CUL3: variants seen among roughly 807,000 people sequenced by gnomAD.
The protein encoded by CUL3 is cullin-3.
In CUL3, 19 loss-of-function variants were observed where a neutral mutation model predicts 89.1. The ratio of observed to expected loss-of-function variants is 0.21; its 90% CI spans 0.15 to 0.31. The LOEUF (loss-of-function observed/expected upper bound fraction) is 0.31. Ranked by LOEUF, CUL3 falls within the 10% of genes least tolerant of loss-of-function variation. CUL3 has a pLI of 1.00. For missense variants in CUL3, 469 were observed against 942.3 expected (o/e 0.50, Z 6.58); for synonymous variants, 351 against 308.4 (o/e 1.14, Z -1.45).
At chr2:224,541,830 C>A in intron 2 of CUL3, among the ~76,000 whole-genome samples, 1 of 151,592 alleles carries the variant, frequency 6.6e-6, no homozygotes, top group Non-Finnish European at 1.5e-5. Context: ...AATTATATGA[C>A]ATTCTTGAAA....
chr2:224,584,903 G>A (rs1559252668), intron 1 of CUL3, 41 bp downstream of exon 1: 3 of 1,422,798 alleles, frequency 2.1e-6, no homozygotes, highest in Admixed American at 4.5e-5. Flanking sequence ...TCTCGGCCCG[G>A]CCCCCGGCCC....
intron 3 of CUL3, among the ~76,000 whole-genome samples, chr2:224,526,287 G>C (rs1002971076): frequency 6.6e-5 from 10 of 152,252 alleles, no homozygotes; most frequent in African/African-American, 2.4e-4. Context: ...ACTCTATCAA[G>C]ATGTGATGTA....
Position 224,472,081 on chromosome 2 carries a change from C to A in CUL3, c.*2164G>T. The A allele has an allele frequency of 4.3e-6, 1 of 229,906 alleles. No individual in the cohort carries two copies. 14.2% of individuals were successfully genotyped at this position (229,906 alleles called of 1,614,324 possible). A position where few individuals can be genotyped will look rare whatever the true frequency, so the allele number is the denominator to read the frequency against. On this transcript the variant is annotated 3_prime_UTR_variant, in exon 16 of 16. Coordinates refer to ENST00000264414, the MANE Select transcript of CUL3 (RefSeq NM_003590.5). ...CAAACATATAAACATTTTGTGTGAC[C>A]AGTTTTTTCAGTGCAGCATCACATC...
intron 15 of CUL3, 114 bp downstream of exon 15, chr2:224,478,086 A>T: frequency 9.4e-7 from 1 of 1,064,250 alleles, no homozygotes; most frequent in Non-Finnish European, 1.3e-6. Context: ...CATAAGTGTT[A>T]CATCACTAGG....
intron 13 of CUL3, chr2:224,495,203 C>T (rs1019784519): frequency 6.6e-6 from 1 of 151,684 alleles, no homozygotes; most frequent in Non-Finnish European, 1.5e-5. Flanking sequence ...AATCTAAAGA[C>T]TGCAGATGAT....
chr2:224,492,756 G>A (rs1435620603), intron 13 of CUL3, among the ~76,000 whole-genome samples: 1 of 152,148 alleles, frequency 6.6e-6, no homozygotes, highest in African/African-American at 2.4e-5. Flanking sequence ...AATAACCCTG[G>A]TATATGTTAA....
chr2:224,576,601 T>C (rs1295436979), intron 1 of CUL3, among the ~76,000 whole-genome samples: 2 of 144,062 alleles, frequency 1.4e-5, no homozygotes, highest in African/African-American at 5.1e-5. Flanking sequence ...ACTCACACTA[T>C]GCTAAATGCT....
intron 2 of CUL3, 147 bp downstream of exon 2, chr2:224,557,512 A>G: frequency 2.3e-6 from 1 of 436,920 alleles, no homozygotes; most frequent in Non-Finnish European, 3.8e-6. Context: ...TAAATTTTTC[A>G]TGAGTGCTTA....
At chr2:224,555,060 T>G (rs947568937) in intron 2 of CUL3, among the ~76,000 whole-genome samples, 2 of 152,184 alleles carry the variant, frequency 1.3e-5, no homozygotes, top group African/African-American at 2.4e-5. Context: ...ACATCTAATT[T>G]TGAGTTCCTG....
chr2:224,480,342 C>T (rs528714121), intron 14 of CUL3, among the ~76,000 whole-genome samples: 1 of 152,166 alleles, frequency 6.6e-6, no homozygotes, highest in South Asian at 2.1e-4. Context: ...ACAATATTTA[C>T]CACCAAAGAG....
chr2:224,512,333 T>C (rs1200108424), intron 5 of CUL3, among the ~76,000 whole-genome samples: 1 of 152,106 alleles, frequency 6.6e-6, no homozygotes, highest in Non-Finnish European at 1.5e-5. Flanking sequence ...CCTGATATAG[T>C]GATCCACTCG....
rs1159622594 is a variant in CUL3, at chr2:224,540,307, C to T, written c.265-4666G>A. On this transcript the variant is annotated intron_variant, in intron 2 of 15. Coordinates refer to ENST00000264414, the MANE Select transcript of CUL3 (RefSeq NM_003590.5). ...TCCTGACCTCAAGTGATCCACTCGC[C>T]TCGGCCTCCCAAGGTGCTGGGATTA... 2.0e-5 allele frequency among the ~76,000 whole-genome samples: 3 copies of T among 151,992 alleles called. No individual in the cohort carries two copies. In the South Asian group the frequency reaches 6.2e-4, roughly 31 times the overall value.
intron 3 of CUL3, among the ~76,000 whole-genome samples, chr2:224,516,011 C>A (rs1293534454): frequency 6.6e-6 from 1 of 152,026 alleles, no homozygotes; most frequent in Non-Finnish European, 1.5e-5. Context: ...TAATTAAATT[C>A]TCCACGTGCA....
intron 2 of CUL3, 102 bp from the exon 3 acceptor site, chr2:224,535,743 A>C: frequency 4.1e-6 from 3 of 730,612 alleles, no homozygotes; most frequent in East Asian, 5.4e-5. Flanking sequence ...TGGAATCTTT[A>C]ATTTAAATCA....
intron 2 of CUL3, among the ~76,000 whole-genome samples, chr2:224,550,915 C>T (rs192456574): frequency 1.8e-4 from 28 of 152,240 alleles, no homozygotes; most frequent in African/African-American, 6.7e-4. Context: ...AGCCTTCTGC[C>T]ATGGCTTCAA....
chr2:224,506,163 T>A (rs774704365), intron 7 of CUL3, 31 bp from the exon 8 acceptor site: 1 of 1,444,846 alleles, frequency 6.9e-7, no homozygotes, highest in Admixed American at 2.3e-5. Flanking sequence ...TTAGGACACA[T>A]TATAATAATT....
intron 15 of CUL3, among the ~76,000 whole-genome samples, chr2:224,476,675 ATC>A (rs1355897933): frequency 6.6e-6 from 1 of 152,214 alleles, no homozygotes; most frequent in South Asian, 2.1e-4. Flanking sequence ...GTTCAGTAAC[ATC>A]TGTGTCAGTA....
At chr2:224,583,814 T>C (rs1695501767) in intron 1 of CUL3, among the ~76,000 whole-genome samples, 1 of 152,214 alleles carries the variant, frequency 6.6e-6, no homozygotes, top group Admixed American at 6.5e-5. Context: ...CTTTCCTCAC[T>C]GCAACTGCGC....
At chr2:224,496,963 C>T (rs1490817039) in intron 12 of CUL3, among the ~76,000 whole-genome samples, 3 of 151,998 alleles carry the variant, frequency 2.0e-5, no homozygotes, top group African/African-American at 4.8e-5. Flanking sequence ...AAATATGTGT[C>T]GAATATTATT....
Sources: gnomAD v4.1 joint callset for allele counts (sites outside exome capture counted in the v4.1 genomes callset) on GRCh38, gnomAD v4.1.1 for gene constraint, MANE v1.5 for transcripts, NCBI Gene and HGNC (gene_info 2026-07-23, HGNC 2026-07-21) for gene names.